Variants in TBC1D4 observed in about 807,000 individuals in gnomAD.
The protein encoded by TBC1D4 is TBC1 domain family member 4, also known as TBC (Tre-2, BUB2, CDC16) domain-containing protein.
In TBC1D4, 121 loss-of-function variants were observed where a neutral mutation model predicts 142.5. The ratio of observed to expected loss-of-function variants is 0.85; its 90% CI spans 0.73 to 0.99. TBC1D4 has a LOEUF of 0.99. TBC1D4 is among the 50% of genes least tolerant of loss of function. TBC1D4 has a pLI of 0.00. For missense variants in TBC1D4, 1,475 were observed against 1,606.6 expected, an observed-to-expected ratio of 0.92 and a Z score of 1.40; for synonymous variants, 630 against 628.2, an observed-to-expected ratio of 1.00 and a Z score of -0.04.
Position 75,362,139 on chromosome 13 carries a change from G to A in TBC1D4, c.967C>T (p.Gln323Ter). The change falls in exon 2 of 21, where the codon CAA becomes TAA. Residue 323 changes from glutamine to a stop codon, truncating the protein, a stop_gained. Coordinates refer to ENST00000377636, the MANE Select transcript of TBC1D4 (RefSeq NM_014832.5). LOFTEE classifies it high-confidence loss of function. The surrounding 1 kb of genome is among the most constrained non-coding windows in gnomAD (Gnocchi z 4.2). ...TGGCTGCCCTCGTGAACTCTCCGTT[G>A]CACGCCGGTGACACTGCTGCACCGA... ...RSRCSSVTGV[Q>*]RRVHEGSQKS... The A allele has an allele frequency of 6.2e-7, 1 of 1,613,598 alleles. No individual in the cohort carries two copies. Among genetic ancestry groups the A allele is most frequent in the Non-Finnish European group, 8.5e-7 (1 of 1,179,998 alleles).
intron 8 of TBC1D4, among the ~76,000 whole-genome samples, chr13:75,333,575 A>G (rs888300353): frequency 6.6e-6 from 1 of 152,176 alleles, no homozygotes; most frequent in African/African-American, 2.4e-5. Flanking sequence ...TACCAATATA[A>G]AGCTCCACCA....
intron 1 of TBC1D4, among the ~76,000 whole-genome samples, chr13:75,400,234 A>T (rs937701037): frequency 4.6e-5 from 7 of 152,110 alleles, no homozygotes; most frequent in Non-Finnish European, 7.4e-5. Context: ...ATATACAATC[A>T]CTAAATCCTA....
At position 75,292,156 on chromosome 13, in the gene TBC1D4, A is replaced by T; in HGVS notation, c.3432T>A (p.Leu1144=). ...TATTCATATCAGGTAGCGTGTTTTTAAGAAACTCAACAATATTTTCAAAGC... is the reference window on the plus strand; with the variant it reads ...TATTCATATCAGGTAGCGTGTTTTTTAGAAACTCAACAATATTTTCAAAGC... ...CESFENIVEF[L]KNTLPDMNTS... The change falls in exon 19 of 21, where the codon CTT becomes CTA. Residue 1144 remains leucine, a synonymous_variant. Coordinates refer to ENST00000377636, the MANE Select transcript of TBC1D4 (RefSeq NM_014832.5). 6.2e-7 allele frequency: 1 copy of T among 1,613,274 alleles called. No homozygotes were observed. Among genetic ancestry groups the T allele is most frequent in the South Asian group, 1.1e-5 (1 of 90,988 alleles).
chr13:75,432,244 G>A (rs572575877), intron 1 of TBC1D4, among the ~76,000 whole-genome samples: 12 of 152,086 alleles, frequency 7.9e-5, no homozygotes, highest in Non-Finnish European at 1.6e-4. Context: ...CACTTGATCT[G>A]GCCCATCCCT....
intron 4 of TBC1D4, among the ~76,000 whole-genome samples, chr13:75,351,638 C>G (rs1270416124): frequency 7.3e-6 from 1 of 137,714 alleles, no homozygotes; most frequent in Non-Finnish European, 1.5e-5. Flanking sequence ...TCTCATTGTT[C>G]AATTCCCACC....
At chr13:75,400,983 A>G (rs1482723387) in intron 1 of TBC1D4, among the ~76,000 whole-genome samples, 1 of 152,196 alleles carries the variant, frequency 6.6e-6, no homozygotes, top group African/African-American at 2.4e-5. Context: ...ATATGCTGTC[A>G]CTAATTAACC....
At chr13:75,436,896 T>A (rs1886823934) in intron 1 of TBC1D4, among the ~76,000 whole-genome samples, 1 of 152,206 alleles carries the variant, frequency 6.6e-6, no homozygotes, top group South Asian at 2.1e-4. Flanking sequence ...TATTGACATC[T>A]CATGCCTCCT....
intron 1 of TBC1D4, among the ~76,000 whole-genome samples, chr13:75,444,786 T>C (rs748886586): frequency 6.6e-6 from 1 of 152,234 alleles, no homozygotes; most frequent in Non-Finnish European, 1.5e-5. Context: ...AATTCTGTGT[T>C]GGTGGTGTGT....
At chr13:75,411,697 ATT>A (rs111821777) in intron 1 of TBC1D4, among the ~76,000 whole-genome samples, 8 of 147,602 alleles carry the variant, frequency 5.4e-5, no homozygotes, top group African/African-American at 1.8e-4. Flanking sequence ...CTAATTTTTT[ATT>A]TTTTTTTTTT....
rs749925716 is a variant in TBC1D4, at chr13:75,453,861, C to CA, written c.498+27408dup. ...TGGAGGACAGAGCAAGACTCTGTCT[C>CA]AAAAAAAAAAAAAAATTCTTATTTA... On this transcript the variant is annotated intron_variant, in intron 1 of 20. Coordinates refer to ENST00000377636, the MANE Select transcript of TBC1D4 (RefSeq NM_014832.5). Among the ~76,000 whole-genome samples the CA allele has an allele frequency of 3.8e-3, 309 of 81,332 alleles. 1 individual carries two copies. The highest frequency in any genetic ancestry group is 0.01 in the Middle Eastern group (1 of 98). The allele number at this position is 81,332 out of a possible 152,430, so 53.4% of individuals were successfully genotyped here.
chr13:75,371,046 T>A (rs1157100767), intron 1 of TBC1D4, among the ~76,000 whole-genome samples: 1 of 152,110 alleles, frequency 6.6e-6, no homozygotes, highest in Non-Finnish European at 1.5e-5. Context: ...GAGAATGGCA[T>A]CCTGAAGTCA....
At chr13:75,395,100 G>A (rs925006512) in intron 1 of TBC1D4, among the ~76,000 whole-genome samples, 1 of 152,204 alleles carries the variant, frequency 6.6e-6, no homozygotes, top group Non-Finnish European at 1.5e-5. Context: ...TAGAATATAT[G>A]TTCTAAAAAG....
At chr13:75,331,775 T>C (rs945454879) in intron 8 of TBC1D4, among the ~76,000 whole-genome samples, 1 of 148,936 alleles carries the variant, frequency 6.7e-6, no homozygotes, top group Non-Finnish European at 1.5e-5. Flanking sequence ...TTTTGATGTT[T>C]AAAAATGGCA....
At chr13:75,391,323 AG>A (rs1884476502) in intron 1 of TBC1D4, among the ~76,000 whole-genome samples, 1 of 152,170 alleles carries the variant, frequency 6.6e-6, no homozygotes, top group Non-Finnish European at 1.5e-5. Flanking sequence ...AAACTCCAAA[AG>A]AGTTGCCTGC....
intron 1 of TBC1D4, among the ~76,000 whole-genome samples, chr13:75,410,932 T>C (rs1212838302): frequency 9.6e-5 from 4 of 41,706 alleles, no homozygotes; most frequent in Non-Finnish European, 1.6e-4. Context: ...CGAGACTCCG[T>C]CTCAAAAAAA....
chr13:75,306,380 C>T lies in TBC1D4; in HGVS notation c.2685G>A (p.Lys895=). ...CQKEVLITWD[K]KLLNCRAKIR... is the part of the protein sequence containing the mutation. ...TTTTAGCTCTGCAGTTTAACAACTT[C>T]TTATCCCAAGTTATTAAGACCTCTT... is the stretch of plus-strand genomic sequence containing the variant. Residue 895 remains lysine (K), a synonymous_variant, in exon 15 of 21, where the codon AAG becomes AAA. Transcript: ENST00000377636. The T allele has an allele frequency of 6.2e-7, 1 of 1,613,304 alleles. No individual in the cohort carries two copies. The highest frequency in any genetic ancestry group is 1.1e-5 in the South Asian group (1 of 91,070).
intron 8 of TBC1D4, among the ~76,000 whole-genome samples, chr13:75,329,714 TTA>T (rs1879587228): frequency 6.6e-6 from 1 of 152,216 alleles, no homozygotes; most frequent in African/African-American, 2.4e-5. Flanking sequence ...ACTAAATTTT[TTA>T]AAAAATGTAC....
At chr13:75,359,665 T>C (rs763980706) in intron 3 of TBC1D4, 104 bp downstream of exon 3, 40 of 930,682 alleles carry the variant, frequency 4.3e-5, no homozygotes, top group Non-Finnish European at 6.1e-5. Context: ...AATTTAAATT[T>C]CAAAAAAAAT....
intron 1 of TBC1D4, among the ~76,000 whole-genome samples, chr13:75,416,345 G>A (rs967702350): frequency 5.3e-5 from 8 of 152,148 alleles, no homozygotes; most frequent in South Asian, 2.1e-4. Context: ...AGTAATCTCC[G>A]TACTTCTCAA....
Sources: allele counts gnomAD v4.1 joint callset (sites outside exome capture counted in the v4.1 genomes callset), GRCh38; gene constraint gnomAD v4.1.1; non-coding constraint Gnocchi (gnomAD v3.1); transcripts MANE v1.5; gene names NCBI Gene and HGNC (gene_info 2026-07-23, HGNC 2026-07-21).